PCDHGB7: variants seen among roughly 807,000 people sequenced by gnomAD.
PCDHGB7 encodes protocadherin gamma subfamily B, 7, also known as protocadherin gamma-B7.
A neutral mutation model predicts 61.4 loss-of-function variants in PCDHGB7; 37 were observed. The ratio of observed to expected loss-of-function variants is 0.60; its 90% confidence interval spans 0.46 to 0.79. The LOEUF (loss-of-function observed/expected upper bound fraction) is 0.79. PCDHGB7 is among the 30% of genes least tolerant of loss of function. The pLI is 0.00. For synonymous variants in PCDHGB7, 464 were observed against 503.5 expected (o/e 0.92, Z 1.05); for missense variants, 1,166 against 1,202.5 (o/e 0.97, Z 0.45).
chr5:141,430,761 T>G, intron 1 of PCDHGB7: 5 of 1,506,132 alleles, frequency 3.3e-6, no homozygotes, highest in Non-Finnish European at 3.5e-6. Context: ...AAGATAAGAA[T>G]GATTCCTGCG....
chr5:141,436,713 G>T (rs2097842329), intron 1 of PCDHGB7, among the ~76,000 whole-genome samples: 1 of 152,190 alleles, frequency 6.6e-6, no homozygotes, highest in Non-Finnish European at 1.5e-5. Context: ...TCGATGTTCT[G>T]TTGGGAAAAA....
chr5:141,506,372 C>A (rs1243713695), intron 3 of PCDHGB7, among the ~76,000 whole-genome samples: 1 of 151,402 alleles, frequency 6.6e-6, no homozygotes, highest in Non-Finnish European at 1.5e-5. Context: ...TCGCTTGAAC[C>A]TGGGAGGTGG....
intron 2 of PCDHGB7, among the ~76,000 whole-genome samples, chr5:141,497,132 G>T (rs2099774325): frequency 6.6e-6 from 1 of 152,046 alleles, no homozygotes; most frequent in Non-Finnish European, 1.5e-5. Context: ...GTTGCAGTGA[G>T]CTGAGATCAC....
Position 141,431,374 on chromosome 5 carries a change from GGCT to G in PCDHGB7, c.2415+11104_2415+11106del, listed in dbSNP as rs752583215. The G allele has an allele frequency of 1.7e-4, 275 of 1,613,980 alleles. No individual in the cohort carries two copies. Among genetic ancestry groups the G allele is most frequent in the Non-Finnish European group, 2.0e-4 (238 of 1,180,036 alleles). On this transcript the variant is annotated intron_variant, in intron 1 of 3. Coordinates refer to ENST00000398594, the MANE Select transcript of PCDHGB7 (RefSeq NM_018927.4). This position sits in a 1 kb window ranked among gnomAD's most constrained non-coding sequence, Gnocchi z 4.8. Reference sequence around the variant, plus strand: ...AACGCGCCCTGGACCGCGAAGAAAAGGCTGCTCACCACCTGGTCCTTACGGCCT... The same window carrying G: ...AACGCGCCCTGGACCGCGAAGAAAAGGCTCACCACCTGGTCCTTACGGCCT...
intron 1 of PCDHGB7, chr5:141,427,980 G>A (rs1398178738): frequency 6.3e-7 from 1 of 1,596,206 alleles, no homozygotes. Context: ...CCCCGCGCTG[G>A]GGCCCGATGG....
Position 141,432,289 on chromosome 5 carries a change from C to T in PCDHGB7, c.2415+12015C>T, listed in dbSNP as rs762278053. ...CGTCCTACGTGTCCATCAACTCCGACACTGGGGTACTGTATGCGCTGAGCT... is the reference window on the plus strand; with the variant it reads ...CGTCCTACGTGTCCATCAACTCCGATACTGGGGTACTGTATGCGCTGAGCT... On this transcript the variant is annotated intron_variant, in intron 1 of 3. Coordinates refer to ENST00000398594, the MANE Select transcript of PCDHGB7 (RefSeq NM_018927.4). The surrounding 1 kb of genome is among the most constrained non-coding windows in gnomAD (Gnocchi z 6.0). The T allele has an allele frequency of 6.2e-7, 1 of 1,614,266 alleles. No homozygotes were observed. Among genetic ancestry groups the T allele is most frequent in the Admixed American group, 1.7e-5 (1 of 60,038 alleles).
At chr5:141,445,178 A>G (rs768321514) in intron 1 of PCDHGB7, among the ~76,000 whole-genome samples, 2 of 152,218 alleles carry the variant, frequency 1.3e-5, no homozygotes, top group Admixed American at 1.3e-4. Context: ...ATGAAAAACT[A>G]TGTTTTTATG....
intron 2 of PCDHGB7, among the ~76,000 whole-genome samples, chr5:141,504,651 G>A (rs905210723): frequency 8.4e-6 from 1 of 119,750 alleles, no homozygotes; most frequent in Non-Finnish European, 1.6e-5. Flanking sequence ...ATGATAGAGT[G>A]TTTGAGGGCG....
At chr5:141,449,436 A>T (rs1177598228) in intron 1 of PCDHGB7, among the ~76,000 whole-genome samples, 1 of 151,792 alleles carries the variant, frequency 6.6e-6, no homozygotes, top group African/African-American at 2.4e-5. Flanking sequence ...ATAAAACTCC[A>T]TCTCTACTAA....
chr5:141,461,409 A>ATATGTTTGT (rs1491521215), intron 1 of PCDHGB7, among the ~76,000 whole-genome samples: 2 of 151,810 alleles, frequency 1.3e-5, no homozygotes, highest in Non-Finnish European at 2.9e-5. Context: ...GCATTTTTTC[A>ATATGTTTGT]TATGTTTGTG....
chr5:141,503,400 A>C (rs2099819725), intron 2 of PCDHGB7, among the ~76,000 whole-genome samples: 1 of 151,750 alleles, frequency 6.6e-6, no homozygotes, highest in Non-Finnish European at 1.5e-5. Context: ...TTCGAAACCA[A>C]CCTGGCCAAT....
intron 1 of PCDHGB7, among the ~76,000 whole-genome samples, chr5:141,444,152 ATTTTTTTTTTTTTTTTTTTTT>A (rs747671382): frequency 8.9e-5 from 3 of 33,882 alleles, no homozygotes; most frequent in Admixed American, 3.9e-4. Context: ...TGTGTACTGG[ATTTTTTTTTTTTTTTTTTTTT>A]TTTTTTTTTT....
chr5:141,430,090 G>T (rs2097260736), intron 1 of PCDHGB7, among the ~76,000 whole-genome samples: 1 of 152,096 alleles, frequency 6.6e-6, no homozygotes, highest in Non-Finnish European at 1.5e-5. Context: ...ATGAAAATTT[G>T]ATTTTTAAGC....
At chr5:141,433,854 A>T (rs2097660850) in intron 1 of PCDHGB7, among the ~76,000 whole-genome samples, 1 of 151,852 alleles carries the variant, frequency 6.6e-6, no homozygotes, top group African/African-American at 2.4e-5. Context: ...AAAAAAAAAA[A>T]ACTTTATCCT....
rs572603287 is a variant in PCDHGB7 at position 141,477,037 on chromosome 5, G to T, written c.2416-17770G>T. 19 of 1,614,266 alleles carry T rather than the reference G, an allele frequency of 1.2e-5. No homozygotes were observed. In the East Asian group the frequency reaches 3.8e-4, roughly 32 times the overall value. Reference sequence around the variant, plus strand: ...TTGTAACCGGGATGCTGACAATCAAGGGTCGGCTGGACTTCGAGGACACCA... The same window carrying T: ...TTGTAACCGGGATGCTGACAATCAATGGTCGGCTGGACTTCGAGGACACCA... On this transcript the variant is annotated intron_variant, in intron 1 of 3. Transcript: ENST00000398594. The surrounding 1 kb of genome is among the most constrained non-coding windows in gnomAD (Gnocchi z 4.9).
intron 1 of PCDHGB7, among the ~76,000 whole-genome samples, chr5:141,480,976 T>G (rs1485868136): frequency 6.6e-6 from 1 of 152,108 alleles, no homozygotes; most frequent in Non-Finnish European, 1.5e-5. Context: ...GGAGAATCAG[T>G]GAACCCAGGA....
intron 1 of PCDHGB7, 82 bp from the exon 2 acceptor site, chr5:141,494,725 C>G: frequency 6.2e-7 from 1 of 1,610,026 alleles, no homozygotes; most frequent in East Asian, 2.2e-5. Flanking sequence ...CCCTCCTTCT[C>G]TCCCGGCCCA....
At chr5:141,424,717 T>G (rs914445969) in intron 1 of PCDHGB7, 1 of 152,202 alleles carries the variant, frequency 6.6e-6, no homozygotes, top group Non-Finnish European at 1.5e-5. Context: ...TCAGTGTAGT[T>G]GGGAGTCATA....
chr5:141,435,629 A>G (rs2097772414), intron 1 of PCDHGB7, among the ~76,000 whole-genome samples: 1 of 152,162 alleles, frequency 6.6e-6, no homozygotes, highest in Admixed American at 6.5e-5. Flanking sequence ...TAACTTTTAC[A>G]ACTATGGGAA....
Sources: allele counts gnomAD v4.1 joint callset (sites outside exome capture counted in the v4.1 genomes callset), GRCh38; gene constraint gnomAD v4.1.1; non-coding constraint Gnocchi (gnomAD v3.1); transcripts MANE v1.5; gene names NCBI Gene and HGNC (gene_info 2026-07-23, HGNC 2026-07-21).